Variants in GRID1 observed in about 807,000 individuals in gnomAD.
GRID1 encodes the protein glutamate receptor ionotropic, delta-1.
Under a neutral mutation model 98.0 loss-of-function variants are expected in GRID1, and 28 were observed. The observed-to-expected ratio is 0.29, with a 90% CI of 0.21 to 0.39. GRID1 has a LOEUF of 0.39. GRID1 is among the 10% of genes least tolerant of loss of function. The probability of loss-of-function intolerance (pLI) is 1.00; values close to 1 mark genes in which losing one functional copy is unlikely to be tolerated. For missense variants in GRID1, 1,111 were observed against 1,340.5 expected, an observed-to-expected ratio of 0.83 and a Z score of 2.67; for synonymous variants, 553 against 538.5, an observed-to-expected ratio of 1.03 and a Z score of -0.37.
intron 2 of GRID1, among the ~76,000 whole-genome samples, chr10:86,276,839 C>G (rs1233828789): frequency 6.6e-6 from 1 of 151,700 alleles, no homozygotes; most frequent in Non-Finnish European, 1.5e-5. Context: ...AGGCAGAAAG[C>G]AGTGGGACGA....
chr10:86,186,980 C>A (rs1313955031), intron 3 of GRID1, among the ~76,000 whole-genome samples: 1 of 152,200 alleles, frequency 6.6e-6, no homozygotes, highest in East Asian at 1.9e-4. Flanking sequence ...GCTGGGGAAA[C>A]CAGGTTTTCT....
intron 8 of GRID1, among the ~76,000 whole-genome samples, chr10:85,764,931 G>A (rs1321950901): frequency 6.6e-6 from 1 of 152,154 alleles, no homozygotes; most frequent in East Asian, 1.9e-4. Flanking sequence ...CAGAAATGCA[G>A]CAGGGATTTT....
chr10:86,101,632 C>T (rs1325026066), intron 4 of GRID1, among the ~76,000 whole-genome samples: 1 of 144,054 alleles, frequency 6.9e-6, no homozygotes, highest in Non-Finnish European at 1.5e-5. Context: ...TTTCATTATT[C>T]CTTTTTTTTT....
chr10:85,835,637 C>T (rs543998732), intron 8 of GRID1, among the ~76,000 whole-genome samples: 1 of 152,292 alleles, frequency 6.6e-6, no homozygotes, highest in East Asian at 1.9e-4. Context: ...TTGGGTATGT[C>T]TTTATTAGCA....
Position 86,206,289 on chromosome 10 carries a change from A to G in GRID1, c.520+75T>C. 1 of 1,447,260 alleles carries G rather than the reference A, an allele frequency of 6.9e-7. No homozygotes were observed. Among genetic ancestry groups the G allele is most frequent in the Non-Finnish European group, 9.4e-7 (1 of 1,062,536 alleles). The allele number at this position is 1,447,260 out of a possible 1,614,324, so 89.7% of individuals were successfully genotyped here. A position where few individuals can be genotyped will look rare whatever the true frequency, so the allele number is the denominator to read the frequency against. The stretch of plus-strand genomic sequence containing the variant: ...CCACCCCTGACCGGTCCAGGGCCCC[A>G]CCCACTCTCAGGTCTCCCAGCATCT... On this transcript the variant is annotated intron_variant, in intron 3 of 15. Transcript: ENST00000327946. The surrounding 1 kb of genome is among the most constrained non-coding windows in gnomAD (Gnocchi z 4.1).
In GRID1 at chr10:85,798,529, T is replaced by G. The variant is rs549114435; in HGVS notation, c.1233+55967A>C. On this transcript the variant is annotated intron_variant, in intron 8 of 15. Coordinates refer to ENST00000327946, the MANE Select transcript of GRID1 (RefSeq NM_017551.3). Reference sequence around the variant, plus strand: ...CACTTTCTACTCATCCTCACCAGCATTTGTTATGTTTTTTTTGTAATAGCC... The same window carrying G: ...CACTTTCTACTCATCCTCACCAGCAGTTGTTATGTTTTTTTTGTAATAGCC... 3.3e-5 allele frequency among the ~76,000 whole-genome samples: 5 copies of G among 152,242 alleles called. No homozygotes were observed. In the South Asian group the frequency reaches 1.0e-3, roughly 32 times the overall value.
intron 4 of GRID1, among the ~76,000 whole-genome samples, chr10:85,946,881 T>G (rs1842060265): frequency 6.6e-6 from 1 of 151,946 alleles, no homozygotes; most frequent in Non-Finnish European, 1.5e-5. Context: ...AGGCCAATAG[T>G]AGGTGAATAT....
At chr10:85,667,786 T>C (rs188802025) in intron 12 of GRID1, among the ~76,000 whole-genome samples, 2 of 152,358 alleles carry the variant, frequency 1.3e-5, no homozygotes, top group African/African-American at 4.8e-5. Flanking sequence ...AGCCTGTTCG[T>C]GTATATCATT....
At chr10:86,105,367 A>C (rs527637366) in intron 4 of GRID1, among the ~76,000 whole-genome samples, 19 of 152,132 alleles carry the variant, frequency 1.2e-4, no homozygotes, top group South Asian at 4.2e-4. Flanking sequence ...AAGGTCTCAC[A>C]GTTGTGGAGC....
intron 3 of GRID1, among the ~76,000 whole-genome samples, chr10:86,196,615 C>T (rs1235570634): frequency 2.0e-5 from 3 of 152,088 alleles, no homozygotes; most frequent in Non-Finnish European, 4.4e-5. Context: ...AGCACCATTG[C>T]CATCTCACTG....
At chr10:86,207,170 G>A (rs973988791) in intron 2 of GRID1, among the ~76,000 whole-genome samples, 2 of 152,068 alleles carry the variant, frequency 1.3e-5, no homozygotes, top group Non-Finnish European at 2.9e-5. Flanking sequence ...AGTCAGAGAG[G>A]TACTTACCCA....
intron 4 of GRID1, among the ~76,000 whole-genome samples, chr10:85,919,299 A>T (rs1841666877): frequency 6.6e-6 from 1 of 152,010 alleles, no homozygotes; most frequent in African/African-American, 2.4e-5. Flanking sequence ...TGATCAGAAA[A>T]CCCCACAGGA....
At position 85,865,942 on chromosome 10, in the gene GRID1, T is replaced by TATATATATAC. The variant is rs1199144734; in HGVS notation, c.951+3067_951+3068insGTATATATAT. Among the ~76,000 whole-genome samples, 296 of 94,862 alleles carry TATATATATAC rather than the reference T, an allele frequency of 3.1e-3. 10 individuals are homozygous for TATATATATAC. In the East Asian group the frequency reaches 0.031, roughly 10 times the overall value. The allele number at this position is 94,862 out of a possible 152,430, so 62.2% of individuals were successfully genotyped here. ...ATATATATATATATATATATATATA[T>TATATATATAC]ACACATATATATGGAGAGAGAGAGA... On this transcript the variant is annotated intron_variant, in intron 6 of 15. Transcript: ENST00000327946.
chr10:85,883,475 T>A (rs1841065121), intron 5 of GRID1, among the ~76,000 whole-genome samples: 1 of 151,906 alleles, frequency 6.6e-6, no homozygotes, highest in South Asian at 2.1e-4. Context: ...TTCGTTTTCC[T>A]TTGTCCTTCT....
At chr10:86,222,707 G>A (rs1166599860) in intron 2 of GRID1, among the ~76,000 whole-genome samples, 1 of 152,210 alleles carries the variant, frequency 6.6e-6, no homozygotes, top group East Asian at 1.9e-4. Context: ...CTGAAGGGGA[G>A]AAGGGGTGTA....
intron 2 of GRID1, among the ~76,000 whole-genome samples, chr10:86,274,748 TG>T (rs1355046921): frequency 6.6e-6 from 1 of 151,714 alleles, no homozygotes; most frequent in Non-Finnish European, 1.5e-5. Context: ...TTGTGATTTT[TG>T]TACATTGATT....
chr10:86,028,248 A>T (rs1031768601), intron 4 of GRID1, among the ~76,000 whole-genome samples: 1 of 152,226 alleles, frequency 6.6e-6, no homozygotes, highest in African/African-American at 2.4e-5. Context: ...TGTGCACTAC[A>T]GCAGCTGTGC....
intron 12 of GRID1, among the ~76,000 whole-genome samples, chr10:85,692,981 A>T (rs1015213405): frequency 2.6e-5 from 4 of 152,214 alleles, no homozygotes; most frequent in Middle Eastern, 3.2e-3. Flanking sequence ...TTTTAATCTG[A>T]ACACTAGAAC....
chr10:86,189,594 C>T (rs1202200352), intron 3 of GRID1, among the ~76,000 whole-genome samples: 2 of 152,138 alleles, frequency 1.3e-5, no homozygotes, highest in Non-Finnish European at 2.9e-5. Context: ...AGATCCCTGA[C>T]CATGAACCTG....
Sources: gnomAD v4.1 joint callset for allele counts (sites outside exome capture counted in the v4.1 genomes callset) on GRCh38, gnomAD v4.1.1 for gene constraint, Gnocchi (gnomAD v3.1) non-coding constraint, MANE v1.5 for transcripts, NCBI Gene and HGNC (gene_info 2026-07-23, HGNC 2026-07-21) for gene names.